WWP1: variants seen among roughly 807,000 people sequenced by gnomAD.
WWP1 encodes WW domain containing E3 ubiquitin protein ligase 1, also known as NEDD4-like E3 ubiquitin-protein ligase WWP1.
Under a neutral mutation model 130.6 loss-of-function variants are expected in WWP1, and 49 were observed. The ratio of observed to expected loss-of-function variants is 0.38; its 90% CI spans 0.30 to 0.48. WWP1 has a LOEUF of 0.48. Among genes scored for constraint, WWP1 ranks in the 20% least tolerant of loss-of-function variants. The pLI is 0.99. For missense variants in WWP1, 809 were observed against 1,100.6 expected, an observed-to-expected ratio of 0.74 and a Z score of 3.75; for synonymous variants, 332 against 367.8, an observed-to-expected ratio of 0.90 and a Z score of 1.11.
At chr8:86,440,092 G>T (rs1046588853) in intron 17 of WWP1, among the ~76,000 whole-genome samples, 2 of 152,130 alleles carry the variant, frequency 1.3e-5, no homozygotes, top group African/African-American at 4.8e-5. Flanking sequence ...TCTATTACGA[G>T]TTTATCTCAA....
At chr8:86,409,141 A>G (rs1394565120) in intron 8 of WWP1, among the ~76,000 whole-genome samples, 1 of 151,906 alleles carries the variant, frequency 6.6e-6, no homozygotes, top group Non-Finnish European at 1.5e-5. Context: ...TGGATTGTCA[A>G]ATATAATCAA....
intron 5 of WWP1, among the ~76,000 whole-genome samples, chr8:86,388,713 C>G (rs1008956677): frequency 7.9e-5 from 12 of 152,094 alleles, no homozygotes; most frequent in African/African-American, 2.4e-4. Flanking sequence ...AAAATCATTT[C>G]TTTTATAATA....
intron 1 of WWP1, among the ~76,000 whole-genome samples, chr8:86,364,806 CGAAA>C (rs60630138): frequency 0.032 from 4,367 of 135,616 alleles, 85 homozygotes; most frequent in African/African-American, 0.065. Context: ...GACCCTGCCT[CGAAA>C]GAAAGAAAGA....
chr8:86,427,712 G>A lies in WWP1; in HGVS notation c.1227G>A (p.Trp409Ter), dbSNP rs1390789627. ...YVDHNTRTTT[W>*]QRPTMESVRN... ...ATCATAACACCAGAACAACAACGTG[G>A]CAGCGGCCTACCATGGAATCTGTCC... The change falls in exon 11 of 25, where the codon TGG becomes TGA. Residue 409 changes from tryptophan (W) to a stop codon, truncating the protein, a stop_gained. Transcript: ENST00000517970. LOFTEE classifies it high-confidence loss of function. 1 of 1,614,010 alleles carries A rather than the reference G, an allele frequency of 6.2e-7. No individual in the cohort carries two copies. Among genetic ancestry groups the A allele is most frequent in the Admixed American group, 1.7e-5 (1 of 60,004 alleles).
intron 1 of WWP1, among the ~76,000 whole-genome samples, chr8:86,364,243 A>T (rs563522519): frequency 6.6e-6 from 1 of 152,338 alleles, no homozygotes; most frequent in East Asian, 1.9e-4. Flanking sequence ...TGAGGGAGAG[A>T]AATAAATTTG....
At chr8:86,439,559 GA>G (rs1447206666) in intron 17 of WWP1, among the ~76,000 whole-genome samples, 1 of 152,038 alleles carries the variant, frequency 6.6e-6, no homozygotes, top group East Asian at 1.9e-4. Context: ...ATAATTAATA[GA>G]TTAGCATGCA....
chr8:86,359,443 T>C (rs1040938229), intron 1 of WWP1, among the ~76,000 whole-genome samples: 1 of 152,272 alleles, frequency 6.6e-6, no homozygotes, highest in Middle Eastern at 3.4e-3. Flanking sequence ...TTCCTTACCT[T>C]AGTCACATAC....
intron 8 of WWP1, among the ~76,000 whole-genome samples, chr8:86,409,667 C>T (rs989291035): frequency 8.6e-5 from 13 of 151,666 alleles, no homozygotes; most frequent in Non-Finnish European, 1.5e-4. Context: ...CAAGACTGGC[C>T]TGGCCAACAA....
chr8:86,420,677 T>G (rs1809151489), intron 9 of WWP1, among the ~76,000 whole-genome samples: 1 of 152,146 alleles, frequency 6.6e-6, no homozygotes. Context: ...AATGTTGCCT[T>G]GGGGAGTGGA....
rs150059284 is a variant in WWP1, at chr8:86,454,622, A to G, written c.2394+1943A>G. On this transcript the variant is annotated intron_variant, in intron 21 of 24. Coordinates refer to ENST00000517970, the MANE Select transcript of WWP1 (RefSeq NM_007013.4). The stretch of plus-strand genomic sequence containing the variant: ...CTAAATTCATACACCTAAATATTCC[A>G]TACCTCCAATTAAGAATGCCCATGT... Among the ~76,000 whole-genome samples the G allele has an allele frequency of 7.9e-5, 12 of 152,248 alleles. No individual in the cohort carries two copies. The East Asian group carries it at 1.9e-3, about 24-fold the overall frequency.
At chr8:86,351,622 G>C (rs551689901) in intron 1 of WWP1, among the ~76,000 whole-genome samples, 2 of 151,820 alleles carry the variant, frequency 1.3e-5, no homozygotes, top group Admixed American at 6.6e-5. Flanking sequence ...GAGCCACCAG[G>C]CCTGGCCAAA....
chr8:86,385,401 G>T (rs956987860), intron 5 of WWP1, among the ~76,000 whole-genome samples: 4 of 152,152 alleles, frequency 2.6e-5, no homozygotes, highest in African/African-American at 9.7e-5. Flanking sequence ...GGCAGTGAAA[G>T]AAGAGAACAG....
chr8:86,344,957 T>C (rs954737194), intron 1 of WWP1, among the ~76,000 whole-genome samples: 34 of 152,106 alleles, frequency 2.2e-4, no homozygotes, highest in African/African-American at 5.3e-4. Context: ...TGATTTTGAA[T>C]TGGGAGTGAA....
At chr8:86,432,711 G>A (rs1488288890) in intron 14 of WWP1, among the ~76,000 whole-genome samples, 1 of 151,876 alleles carries the variant, frequency 6.6e-6, no homozygotes, top group Non-Finnish European at 1.5e-5. Flanking sequence ...GGGTTCAAGC[G>A]ATTCTCCTGC....
At chr8:86,445,088 G>A (rs922608971) in intron 18 of WWP1, among the ~76,000 whole-genome samples, 1 of 152,060 alleles carries the variant, frequency 6.6e-6, no homozygotes, top group Non-Finnish European at 1.5e-5. Flanking sequence ...AGGGTGGGGA[G>A]GAAGTGCCAT....
At chr8:86,344,775 C>T (rs1822470232) in intron 1 of WWP1, among the ~76,000 whole-genome samples, 1 of 152,116 alleles carries the variant, frequency 6.6e-6, no homozygotes, top group Admixed American at 6.5e-5. Flanking sequence ...TAAGAGAGCA[C>T]AGAGTTCCTG....
At chr8:86,370,105 T>C (rs1363660564) in intron 2 of WWP1, among the ~76,000 whole-genome samples, 2 of 152,208 alleles carry the variant, frequency 1.3e-5, no homozygotes, top group Non-Finnish European at 2.9e-5. Flanking sequence ...CTGAACTTGT[T>C]TCCATCTTTT....
chr8:86,442,969 ATTATGT>A (rs902186737), intron 18 of WWP1, among the ~76,000 whole-genome samples, 191 bp downstream of exon 18: 1 of 152,062 alleles, frequency 6.6e-6, no homozygotes, highest in African/African-American at 2.4e-5. Flanking sequence ...GAATATGAAG[ATTATGT>A]TTATACAGCC....
At chr8:86,390,041 C>T (rs1030984291) in intron 5 of WWP1, among the ~76,000 whole-genome samples, 1 of 151,198 alleles carries the variant, frequency 6.6e-6, no homozygotes, top group Non-Finnish European at 1.5e-5. Flanking sequence ...CAGAGACACT[C>T]CTCAGATCCC....
Sources: gnomAD v4.1 joint callset for allele counts (sites outside exome capture counted in the v4.1 genomes callset) on GRCh38, gnomAD v4.1.1 for gene constraint, MANE v1.5 for transcripts, NCBI Gene and HGNC (gene_info 2026-07-23, HGNC 2026-07-21) for gene names.